Variants in CSDC2 observed in about 807,000 individuals in gnomAD.
The protein encoded by CSDC2 is cold shock domain containing C2.
Under a neutral mutation model 15.8 loss-of-function variants are expected in CSDC2, and 8 were observed. The observed-to-expected ratio is 0.51, with a 90% CI of 0.30 to 0.92. CSDC2 has a LOEUF of 0.92. CSDC2 is among the 40% of genes least tolerant of loss of function. The probability of loss-of-function intolerance (pLI) is 0.07; values close to 1 mark genes in which losing one functional copy is unlikely to be tolerated. For missense variants in CSDC2, 195 were observed against 213.3 expected (o/e 0.91, Z 0.53); for synonymous variants, 96 against 92.3 (o/e 1.04, Z -0.23).
At chr22:41,565,449 CAAAAAA>C (rs34460484) in intron 1 of CSDC2, among the ~76,000 whole-genome samples, 1 of 57,492 alleles carries the variant, frequency 1.7e-5, no homozygotes, top group African/African-American at 5.2e-5. Flanking sequence ...GATTCCATCT[CAAAAAA>C]AAAAAAAAAA....
In CSDC2 at chr22:41,564,526, C is replaced by A. The variant is rs5751126; in HGVS notation, c.-124+3343C>A. ...CCACCCGCCTTAGCCTCCCAAAGTG[C>A]TGGGATTACAGGTGTGAGCCACCAC... On this transcript the variant is annotated intron_variant, in intron 1 of 3. Coordinates refer to ENST00000306149, the MANE Select transcript of CSDC2 (RefSeq NM_014460.4). Among the ~76,000 whole-genome samples the A allele has an allele frequency of 3.8e-4, 58 of 152,224 alleles. 1 individual carries two copies. The East Asian group carries it at 0.011, about 28-fold the overall frequency.
chr22:41,575,027 CCGTCTGTG>C lies in CSDC2; in HGVS notation c.*134_*141del. 1 of 1,084,810 alleles carries C rather than the reference CCGTCTGTG, an allele frequency of 9.2e-7. No homozygotes were observed. The highest frequency in any genetic ancestry group is 1.3e-6 in the Non-Finnish European group (1 of 765,706). The allele number at this position is 1,084,810 out of a possible 1,614,324, so 67.2% of individuals were successfully genotyped here. Reference sequence around the variant, plus strand: ...GGCCTCAGTGTGCACGTCTGTCTGTCCGTCTGTGCTTGTGGCTATGAGCGTGTGCCTCC... The same window carrying C: ...GGCCTCAGTGTGCACGTCTGTCTGTCCTTGTGGCTATGAGCGTGTGCCTCC... On this transcript the variant is annotated 3_prime_UTR_variant, in exon 4 of 4. Transcript: ENST00000306149.
At chr22:41,568,937 C>A (rs913384184) in intron 1 of CSDC2, among the ~76,000 whole-genome samples, 1 of 152,270 alleles carries the variant, frequency 6.6e-6, no homozygotes, top group East Asian at 1.9e-4. Context: ...CTGGCCAGAG[C>A]AGGCCCCAGC....
chr22:41,564,592 C>A (rs2067104195), intron 1 of CSDC2, among the ~76,000 whole-genome samples: 2 of 152,120 alleles, frequency 1.3e-5, no homozygotes, highest in Admixed American at 1.3e-4. Flanking sequence ...TGTTTCTGTT[C>A]CCCCCGCTGG....
In CSDC2 at chr22:41,566,466, A is replaced by AAAC. The variant is rs1555896245; in HGVS notation, c.-124+5284_-124+5285insACA. 5.7e-3 allele frequency among the ~76,000 whole-genome samples: 768 copies of AAAC among 133,930 alleles called. 70 individuals are homozygous for AAAC. The highest frequency in any genetic ancestry group is 0.021 in the African/African-American group (743 of 34,562). 87.9% of individuals were successfully genotyped at this position (133,930 alleles called of 152,430 possible). A position where few individuals can be genotyped will look rare whatever the true frequency, so the allele number is the denominator to read the frequency against. Reference sequence around the variant, plus strand: ...TAAAAAAAAAAAAAAAAAAAAAAAAAACACACAAAAATTAGCTGGGTGTGG... The same window carrying AAAC: ...TAAAAAAAAAAAAAAAAAAAAAAAAAAACACACACAAAAATTAGCTGGGTGTGG... On this transcript the variant is annotated intron_variant, in intron 1 of 3. Coordinates refer to ENST00000306149, the MANE Select transcript of CSDC2 (RefSeq NM_014460.4).
In CSDC2 at chr22:41,575,527, G is replaced by C. The variant is rs2067170772; in HGVS notation, c.*632G>C. 6.5e-6 allele frequency: 1 copy of C among 152,978 alleles called. No homozygotes were observed. The highest frequency in any genetic ancestry group is 1.5e-5 in the Non-Finnish European group (1 of 68,664). 9.5% of individuals were successfully genotyped at this position (152,978 alleles called of 1,614,324 possible). ...CATGGAGAGGCAGGAAGAGGGGCCTGAGGGCGGAAGGGGTTTGGGGCTCCC... is the reference window on the plus strand; with the variant it reads ...CATGGAGAGGCAGGAAGAGGGGCCTCAGGGCGGAAGGGGTTTGGGGCTCCC... On this transcript the variant is annotated 3_prime_UTR_variant, in exon 4 of 4. Coordinates refer to ENST00000306149, the MANE Select transcript of CSDC2 (RefSeq NM_014460.4).
At chr22:41,567,672 A>G (rs974026027) in intron 1 of CSDC2, among the ~76,000 whole-genome samples, 1 of 152,252 alleles carries the variant, frequency 6.6e-6, no homozygotes, top group African/African-American at 2.4e-5. Context: ...ATAGCAATAC[A>G]GAGCCTGGAC....
At chr22:41,572,912 G>A (rs1452512624) in intron 2 of CSDC2, among the ~76,000 whole-genome samples, 3 of 152,174 alleles carry the variant, frequency 2.0e-5, no homozygotes, top group Non-Finnish European at 2.9e-5. Flanking sequence ...GTCTCGCTCT[G>A]TTGCCCAGGC....
Position 41,561,045 on chromosome 22 carries a change from G to GACAC in CSDC2, c.-228_-225dup, listed in dbSNP as rs61037464. ...GGTACCGCCCGCGCGAGCACACACA[G>GACAC]ACACACACACACACACACACACACA... On this transcript the variant is annotated 5_prime_UTR_variant, in exon 1 of 4. Coordinates refer to ENST00000306149, the MANE Select transcript of CSDC2 (RefSeq NM_014460.4). 0.01 allele frequency: 1,348 copies of GACAC among 132,132 alleles called. 7 individuals are homozygous for GACAC. The highest frequency in any genetic ancestry group is 0.021 in the African/African-American group (735 of 35,300). The allele number at this position is 132,132 out of a possible 1,614,324, so 8.2% of individuals were successfully genotyped here.
chr22:41,571,904 G>A lies in CSDC2; in HGVS notation c.-62G>A, dbSNP rs927844249. 6.0e-6 allele frequency: 7 copies of A among 1,167,748 alleles called. No individual in the cohort carries two copies. In the African/African-American group the frequency reaches 6.4e-5, roughly 11 times the overall value. 72.3% of individuals were successfully genotyped at this position (1,167,748 alleles called of 1,614,324 possible). A position where few individuals can be genotyped will look rare whatever the true frequency, so the allele number is the denominator to read the frequency against. On this transcript the variant is annotated 5_prime_UTR_variant, in exon 2 of 4. Coordinates refer to ENST00000306149, the MANE Select transcript of CSDC2 (RefSeq NM_014460.4). ...CAGGCCGGGCCCTGCCCGCAAGGACGACCAAACCCCTCACCGGCCCCTGGG... is the reference window on the plus strand; with the variant it reads ...CAGGCCGGGCCCTGCCCGCAAGGACAACCAAACCCCTCACCGGCCCCTGGG...
intron 1 of CSDC2, among the ~76,000 whole-genome samples, chr22:41,564,388 G>A (rs766389741): frequency 6.6e-6 from 1 of 152,050 alleles, no homozygotes; most frequent in Non-Finnish European, 1.5e-5. Context: ...GGCCTCCCCA[G>A]TGACTGGGAC....
At chr22:41,566,400 C>G (rs1213422084) in intron 1 of CSDC2, among the ~76,000 whole-genome samples, 1 of 144,486 alleles carries the variant, frequency 6.9e-6, no homozygotes. Context: ...GCCAAGATCA[C>G]GCCACTGCAC....
At chr22:41,572,943 ATGGCT>A (rs2067155624) in intron 2 of CSDC2, among the ~76,000 whole-genome samples, 3 of 152,080 alleles carry the variant, frequency 2.0e-5, no homozygotes, top group Non-Finnish European at 4.4e-5. Flanking sequence ...TGGTGCAGTC[ATGGCT>A]CACTGCAGCC....
At chr22:41,561,271 G>C (rs533343515) in intron 1 of CSDC2, 88 bp downstream of exon 1, 2 of 152,614 alleles carry the variant, frequency 1.3e-5, no homozygotes, top group Non-Finnish European at 2.9e-5. Flanking sequence ...GTGAAGGTGG[G>C]GGCTGGATCA....
intron 1 of CSDC2, among the ~76,000 whole-genome samples, chr22:41,563,566 C>T (rs2067098503): frequency 6.6e-6 from 1 of 152,028 alleles, no homozygotes; most frequent in East Asian, 1.9e-4. Flanking sequence ...TCTGAGTCAG[C>T]GCAAAGCCAG....
chr22:41,574,098 T>C (rs1298302611), intron 3 of CSDC2, among the ~76,000 whole-genome samples: 1 of 151,848 alleles, frequency 6.6e-6, no homozygotes, highest in Non-Finnish European at 1.5e-5. Flanking sequence ...GGCCAGGAGG[T>C]AGAGATGGAT....
chr22:41,571,937 GC>G lies in CSDC2; in HGVS notation c.-26del. On this transcript the variant is annotated 5_prime_UTR_variant, in exon 2 of 4. Coordinates refer to ENST00000306149, the MANE Select transcript of CSDC2 (RefSeq NM_014460.4). ...CCCTCACCGGCCCCTGGGCCCCAGAGCCCACCAGGCTCTCCTGCTGGCCCCA... is the reference window on the plus strand; with the variant it reads ...CCCTCACCGGCCCCTGGGCCCCAGAGCCACCAGGCTCTCCTGCTGGCCCCA... 1 of 1,307,814 alleles carries G rather than the reference GC, an allele frequency of 7.6e-7. No individual in the cohort carries two copies. The highest frequency in any genetic ancestry group is 1.5e-5 in the African/African-American group (1 of 64,924). The allele number at this position is 1,307,814 out of a possible 1,614,324, so 81.0% of individuals were successfully genotyped here.
intron 1 of CSDC2, among the ~76,000 whole-genome samples, chr22:41,571,370 T>A (rs970009863): frequency 4.0e-5 from 6 of 151,732 alleles, no homozygotes; most frequent in Non-Finnish European, 8.8e-5. Context: ...AAAAAAAAAA[T>A]TTGACCAGAG....
chr22:41,566,456 A>C (rs969550195), intron 1 of CSDC2, among the ~76,000 whole-genome samples: 2 of 147,512 alleles, frequency 1.4e-5, no homozygotes, highest in Non-Finnish European at 3.0e-5. Context: ...AAAAAAAAAA[A>C]AAAAAAAAAA....
Sources: gnomAD v4.1 joint callset for allele counts (sites outside exome capture counted in the v4.1 genomes callset) on GRCh38, gnomAD v4.1.1 for gene constraint, MANE v1.5 for transcripts, NCBI Gene and HGNC (gene_info 2026-07-23, HGNC 2026-07-21) for gene names.